FOXK2: variants seen among roughly 807,000 people sequenced by gnomAD.
The protein encoded by FOXK2 is forkhead box K2.
A neutral mutation model predicts 53.3 loss-of-function variants in FOXK2; 24 were observed. The ratio of observed to expected loss-of-function variants is 0.45; its 90% CI spans 0.33 to 0.63. The LOEUF (loss-of-function observed/expected upper bound fraction) is 0.63. Ranked by LOEUF, FOXK2 falls within the 30% of genes least tolerant of loss-of-function variation. The probability of loss-of-function intolerance (pLI) is 0.03; values close to 1 mark genes in which losing one functional copy is unlikely to be tolerated. For synonymous variants in FOXK2, 505 were observed against 407.1 expected (o/e 1.24, Z -2.89); for missense variants, 952 against 910.5 (o/e 1.05, Z -0.59).
intron 1 of FOXK2, among the ~76,000 whole-genome samples, chr17:82,531,077 C>T (rs1484078148): frequency 3.3e-5 from 5 of 152,152 alleles, no homozygotes; most frequent in African/African-American, 9.7e-5. Context: ...CTTGTCCACA[C>T]GTGATTAAAC....
At chr17:82,546,008 TTATTTTAGG>T (rs1404953336) in intron 1 of FOXK2, among the ~76,000 whole-genome samples, 1 of 152,178 alleles carries the variant, frequency 6.6e-6, no homozygotes, top group East Asian at 1.9e-4. Context: ...TCTCTCTTTT[TTATTTTAGG>T]TATTTTAGCA....
chr17:82,548,002 T>C (rs79387599), intron 1 of FOXK2, among the ~76,000 whole-genome samples: 2,387 of 152,342 alleles, frequency 0.016, 63 homozygotes, highest in African/African-American at 0.055. Context: ...CTTCTATGGA[T>C]GTACCCCCAT....
In FOXK2 at chr17:82,571,742, T is replaced by C; in HGVS notation, c.781T>C (p.Tyr261His). 2 of 1,561,570 alleles carry C rather than the reference T, an allele frequency of 1.3e-6. No homozygotes were observed. The highest frequency in any genetic ancestry group is 2.4e-5 in the South Asian group (2 of 83,474). The change falls in exon 4 of 9, where the codon TAC becomes CAC. Residue 261 changes from tyrosine (Y) to histidine (H), a missense_variant. Transcript: ENST00000335255. ...AATACAGGATGATTCAAAGCCGCCT[T>C]ACTCCTACGCGCAGCTGATAGTTCA... ...DSPKDDSKPPYSYAQLIVQAI... is the reference protein window; with the variant it reads ...DSPKDDSKPPHSYAQLIVQAI...
In FOXK2 at chr17:82,573,562, T is replaced by TCTCTCACACACACA. The variant is rs1185597025; in HGVS notation, c.909+1693_909+1694insTCTCACACACACAC. Among the ~76,000 whole-genome samples, 77 of 83,366 alleles carry TCTCTCACACACACA rather than the reference T, an allele frequency of 9.2e-4. 1 individual carries two copies. The highest frequency in any genetic ancestry group is 3.1e-3 in the African/African-American group (68 of 22,280). 54.7% of individuals were successfully genotyped at this position (83,366 alleles called of 152,430 possible). A position where few individuals can be genotyped will look rare whatever the true frequency, so the allele number is the denominator to read the frequency against. ...CTCTCTCTCTCTCTCTCTCTCTCTC[T>TCTCTCACACACACA]CACACACACACACACACACACACAC... On this transcript the variant is annotated intron_variant, in intron 4 of 8. Transcript: ENST00000335255.
intron 4 of FOXK2, chr17:82,576,833 A>G (rs2044992437): frequency 1.8e-6 from 1 of 559,196 alleles, no homozygotes; most frequent in Admixed American, 2.8e-5. Context: ...AATCCGCTCC[A>G]GCAGCTGTTC....
intron 4 of FOXK2, among the ~76,000 whole-genome samples, chr17:82,574,975 A>G (rs967918243): frequency 6.6e-6 from 1 of 152,262 alleles, no homozygotes; most frequent in Admixed American, 6.5e-5. Flanking sequence ...TACAGAAAAC[A>G]CAGAGCTTGT....
At chr17:82,539,957 C>T (rs2044558736) in intron 1 of FOXK2, among the ~76,000 whole-genome samples, 1 of 144,672 alleles carries the variant, frequency 6.9e-6, no homozygotes, top group African/African-American at 2.6e-5. Flanking sequence ...CACAGCGAGA[C>T]TCCATCTCAA....
chr17:82,541,009 G>T (rs1440340769), intron 1 of FOXK2, among the ~76,000 whole-genome samples: 1 of 152,120 alleles, frequency 6.6e-6, no homozygotes, highest in African/African-American at 2.4e-5. Flanking sequence ...TGTGTGGCGT[G>T]TGGCTGCTGC....
chr17:82,585,857 T>C (rs1186939038), intron 6 of FOXK2, 47 bp from the exon 7 acceptor site: 1 of 1,570,972 alleles, frequency 6.4e-7, no homozygotes, highest in African/African-American at 1.3e-5. Flanking sequence ...CCTTTGTTTG[T>C]AGAAGTCAGT....
rs147686333 is a variant in FOXK2 at position 82,585,939 on chromosome 17, G to A, written c.1315G>A (p.Val439Ile). ...GTCCAGTCAGCCAGTCTTAATCACC[G>A]TCCAGCGGCAGCTACCACAGGCCAT... ...PLSSQPVLIT[V>I]QRQLPQAIKP... The change falls in exon 7 of 9, where the codon GTC becomes ATC. Residue 439 changes from valine (V) to isoleucine (I), a missense_variant. By Grantham distance (29) the Val-to-Ile change is conservative. Transcript: ENST00000335255. 24 of 1,612,592 alleles carry A rather than the reference G, an allele frequency of 1.5e-5. No homozygotes were observed. Among genetic ancestry groups the A allele is most frequent in the Admixed American group, 8.3e-5 (5 of 60,006 alleles).
chr17:82,543,677 T>A (rs944425459), intron 1 of FOXK2, among the ~76,000 whole-genome samples: 1 of 151,952 alleles, frequency 6.6e-6, no homozygotes, highest in Non-Finnish European at 1.5e-5. Context: ...AGTGCAGTGG[T>A]GTGATCATGG....
chr17:82,591,568 G>T (rs1330665077), intron 8 of FOXK2, among the ~76,000 whole-genome samples: 1 of 152,226 alleles, frequency 6.6e-6, no homozygotes, highest in Non-Finnish European at 1.5e-5. Flanking sequence ...TTGTTCCAGA[G>T]TGTGGGGAGG....
At chr17:82,556,012 C>T (rs1341222325) in intron 1 of FOXK2, among the ~76,000 whole-genome samples, 1 of 150,830 alleles carries the variant, frequency 6.6e-6, no homozygotes, top group Non-Finnish European at 1.5e-5. Flanking sequence ...CTACATCCAT[C>T]TGCATGGACG....
chr17:82,583,303 G>A (rs1162707321), intron 5 of FOXK2, among the ~76,000 whole-genome samples: 5 of 152,206 alleles, frequency 3.3e-5, no homozygotes, highest in African/African-American at 1.2e-4. Flanking sequence ...CCAGCATTTT[G>A]GGAGGCCGAG....
chr17:82,561,543 A>G lies in FOXK2; in HGVS notation c.420-1811A>G, dbSNP rs565239118. Among the ~76,000 whole-genome samples the G allele has an allele frequency of 7.9e-5, 12 of 152,222 alleles. 1 individual carries two copies. Among genetic ancestry groups the G allele is most frequent in the South Asian group, 4.1e-4 (2 of 4,822 alleles). On this transcript the variant is annotated intron_variant, in intron 1 of 8. Transcript: ENST00000335255. Reference sequence around the variant, plus strand: ...TGGGAACCAGAGTCTGGTGTCCTGGACATCCAGGAGGTGGCCACTCTGTGA... The same window carrying G: ...TGGGAACCAGAGTCTGGTGTCCTGGGCATCCAGGAGGTGGCCACTCTGTGA...
intron 1 of FOXK2, among the ~76,000 whole-genome samples, chr17:82,526,896 G>C (rs1246135536): frequency 1.3e-5 from 2 of 151,976 alleles, no homozygotes; most frequent in East Asian, 3.9e-4. Flanking sequence ...GTAGACAGCA[G>C]ACGATGTCTG....
At position 82,537,644 on chromosome 17, in the gene FOXK2, G is replaced by A. The variant is rs921703289; in HGVS notation, c.419+17337G>A. 2.8e-5 allele frequency among the ~76,000 whole-genome samples: 4 copies of A among 140,630 alleles called. No homozygotes were observed. The Admixed American group carries it at 2.9e-4, about 10-fold the overall frequency. 92.3% of individuals were successfully genotyped at this position (140,630 alleles called of 152,430 possible). On this transcript the variant is annotated intron_variant, in intron 1 of 8. Coordinates refer to ENST00000335255, the MANE Select transcript of FOXK2 (RefSeq NM_004514.4). ...CAAAAAAAAAAAAAAAAAAAAAAAG[G>A]CCAGGCACACGGTGGCTTATGCCTG...
intron 6 of FOXK2, among the ~76,000 whole-genome samples, chr17:82,584,464 C>T (rs1031685853): frequency 4.0e-5 from 6 of 150,668 alleles, no homozygotes; most frequent in South Asian, 2.1e-4. Flanking sequence ...AAACAGCCCC[C>T]GCACCCCCAC....
chr17:82,563,750 C>CTTTTTTTTTT lies in FOXK2; in HGVS notation c.614+202_614+203insTTTTTTTTTT, dbSNP rs1567975420. On this transcript the variant is annotated intron_variant, in intron 2 of 8. Coordinates refer to ENST00000335255, the MANE Select transcript of FOXK2 (RefSeq NM_004514.4). ...GTTCCTGGTTTTTATTTACTCATTCCCTTTTTTTTTTTTTTTTTTGAGAAG... is the reference window on the plus strand; with the variant it reads ...GTTCCTGGTTTTTATTTACTCATTCCTTTTTTTTTTCTTTTTTTTTTTTTTTTTTGAGAAG... Among the ~76,000 whole-genome samples the CTTTTTTTTTT allele has an allele frequency of 2.1e-5, 2 of 94,616 alleles. 1 individual carries two copies. The allele number at this position is 94,616 out of a possible 152,430, so 62.1% of individuals were successfully genotyped here.
Sources: gnomAD v4.1 joint callset for allele counts (sites outside exome capture counted in the v4.1 genomes callset) on GRCh38, gnomAD v4.1.1 for gene constraint, MANE v1.5 for transcripts, NCBI Gene and HGNC (gene_info 2026-07-23, HGNC 2026-07-21) for gene names.